TMTC1: variants seen among roughly 807,000 people sequenced by gnomAD.
TMTC1 encodes protein O-mannosyl-transferase TMTC1.
Under a neutral mutation model 104.8 loss-of-function variants are expected in TMTC1, and 73 were observed. The observed-to-expected ratio is 0.70, with a 90% CI of 0.58 to 0.85. TMTC1 has a LOEUF of 0.85. Among genes scored for constraint, TMTC1 ranks in the 40% least tolerant of loss-of-function variants. The probability of loss-of-function intolerance (pLI) is 0.00; values close to 1 mark genes in which losing one functional copy is unlikely to be tolerated. For synonymous variants in TMTC1, 434 were observed against 428.7 expected (o/e 1.01, Z -0.15); for missense variants, 1,035 against 1,096.1 (o/e 0.94, Z 0.79).
At chr12:29,512,021 TG>T (rs764210010) in intron 17 of TMTC1, 21 bp downstream of exon 17, 1 of 1,609,896 alleles carries the variant, frequency 6.2e-7, no homozygotes, top group Non-Finnish European at 8.5e-7. Context: ...CCGGTCCACA[TG>T]GGAGTGAATT....
intron 5 of TMTC1, among the ~76,000 whole-genome samples, chr12:29,733,126 T>C (rs1284453598): frequency 6.6e-6 from 1 of 152,182 alleles, no homozygotes; most frequent in African/African-American, 2.4e-5. Context: ...ATGCAAAATA[T>C]GGAACATGAG....
chr12:29,708,826 A>G (rs113197763), intron 5 of TMTC1, among the ~76,000 whole-genome samples: 35 of 152,362 alleles, frequency 2.3e-4, no homozygotes, highest in African/African-American at 8.2e-4. Flanking sequence ...AGAGATTCCC[A>G]AAGTTTGAAG....
intron 5 of TMTC1, among the ~76,000 whole-genome samples, chr12:29,652,157 C>T (rs1379554860): frequency 2.0e-5 from 3 of 152,100 alleles, no homozygotes; most frequent in Admixed American, 2.0e-4. Context: ...TGGCCATGGG[C>T]AGTGTAACAG....
At chr12:29,761,765 T>C (rs1352968560) in intron 2 of TMTC1, among the ~76,000 whole-genome samples, 1 of 152,074 alleles carries the variant, frequency 6.6e-6, no homozygotes, top group Non-Finnish European at 1.5e-5. Flanking sequence ...AGACCCGAGG[T>C]CTATGGTGTG....
At chr12:29,757,445 T>C (rs7977334) in intron 3 of TMTC1, among the ~76,000 whole-genome samples, 27,398 of 152,058 alleles carry the variant, frequency 0.18, 2,953 homozygotes, top group African/African-American at 0.31. Context: ...CTCCTGCAGG[T>C]AGAGGAGGTA....
intron 2 of TMTC1, among the ~76,000 whole-genome samples, chr12:29,764,029 G>A (rs1018560296): frequency 6.6e-6 from 1 of 152,164 alleles, no homozygotes; most frequent in African/African-American, 2.4e-5. Flanking sequence ...AAAGCAACTG[G>A]TCAGTTCATG....
chr12:29,749,906 A>G (rs79665160), intron 5 of TMTC1, among the ~76,000 whole-genome samples: 7,576 of 151,970 alleles, frequency 0.05, 260 homozygotes, highest in East Asian at 0.17. Flanking sequence ...TCTTCATTGC[A>G]GTTTCCATGA....
intron 5 of TMTC1, among the ~76,000 whole-genome samples, chr12:29,743,461 C>T (rs1233129167): frequency 6.6e-6 from 1 of 152,046 alleles, no homozygotes; most frequent in Non-Finnish European, 1.5e-5. Flanking sequence ...ATTTCCACTT[C>T]TAAAATTCTG....
chr12:29,572,218 C>T lies in TMTC1; in HGVS notation c.1419G>A (p.Arg473=), dbSNP rs1198325276. 14 of 1,606,140 alleles carry T rather than the reference C, an allele frequency of 8.7e-6. No individual in the cohort carries two copies. The highest frequency in any genetic ancestry group is 1.0e-5 in the Non-Finnish European group (12 of 1,173,270). The part of the protein sequence containing the change: ...EIWLSRESLF[R]SGVQTLPHNA... ...TGTGGGGCAGAGTTTGAACTCCAGA[C>T]CTAAAATGAATAAATTTTTAAAAAG... Residue 473 remains arginine, a splice_region_variant and synonymous_variant, in exon 9 of 18, where the codon AGG becomes AGA. Coordinates refer to ENST00000539277, the MANE Select transcript of TMTC1 (RefSeq NM_001193451.2).
At chr12:29,639,240 A>T (rs970956107) in intron 5 of TMTC1, among the ~76,000 whole-genome samples, 1 of 152,186 alleles carries the variant, frequency 6.6e-6, no homozygotes, top group African/African-American at 2.4e-5. Flanking sequence ...TCAAACTTCA[A>T]TGGAGTTCTA....
At chr12:29,682,937 T>C (rs537890732) in intron 5 of TMTC1, among the ~76,000 whole-genome samples, 13 of 152,336 alleles carry the variant, frequency 8.5e-5, no homozygotes, top group South Asian at 2.1e-4. Context: ...ACTATAGCTA[T>C]GTACAATGTA....
chr12:29,709,807 T>C (rs1275825208), intron 5 of TMTC1, among the ~76,000 whole-genome samples: 1 of 152,202 alleles, frequency 6.6e-6, no homozygotes, highest in Non-Finnish European at 1.5e-5. Context: ...AAAAGGCTTT[T>C]AATAATTCGT....
intron 10 of TMTC1, among the ~76,000 whole-genome samples, chr12:29,543,139 C>G (rs1444645294): frequency 6.6e-6 from 1 of 152,102 alleles, no homozygotes; most frequent in Non-Finnish European, 1.5e-5. Flanking sequence ...CGAATTTTGC[C>G]ATTAAACACT....
chr12:29,627,103 AAAAAAAT>A (rs890068741), intron 6 of TMTC1, among the ~76,000 whole-genome samples: 5 of 152,156 alleles, frequency 3.3e-5, no homozygotes, highest in African/African-American at 7.2e-5. Flanking sequence ...CTCCATCTCA[AAAAAAAT>A]AAAAAATAAA....
chr12:29,665,020 T>G (rs1337915414), intron 5 of TMTC1, among the ~76,000 whole-genome samples: 1 of 152,196 alleles, frequency 6.6e-6, no homozygotes, highest in Non-Finnish European at 1.5e-5. Flanking sequence ...ACTTCCTTCC[T>G]TTATTAATGA....
chr12:29,548,518 T>G (rs764614911), intron 10 of TMTC1, among the ~76,000 whole-genome samples: 7 of 152,098 alleles, frequency 4.6e-5, no homozygotes, highest in Non-Finnish European at 8.8e-5. Context: ...CATGGAGATC[T>G]GATGGTTTTA....
At chr12:29,619,424 G>T (rs755178728) in intron 6 of TMTC1, among the ~76,000 whole-genome samples, 7 of 152,190 alleles carry the variant, frequency 4.6e-5, no homozygotes, top group African/African-American at 1.4e-4. Flanking sequence ...AATTTTACAG[G>T]TGACATATTA....
At chr12:29,625,866 C>T (rs1311063342) in intron 6 of TMTC1, among the ~76,000 whole-genome samples, 1 of 152,218 alleles carries the variant, frequency 6.6e-6, no homozygotes, top group Non-Finnish European at 1.5e-5. Context: ...CCCATTCAGG[C>T]TCCACTATAT....
rs1331502664 is a variant in TMTC1 at position 29,695,183 on chromosome 12, T to C, written c.938+56483A>G. ...CTCTGTCTTGCTCTCCTCTGTCTCT[T>C]ATAACAACACTCTTGATTGGATTTG... On this transcript the variant is annotated intron_variant, in intron 5 of 17. Coordinates refer to ENST00000539277, the MANE Select transcript of TMTC1 (RefSeq NM_001193451.2). Among the ~76,000 whole-genome samples the C allele has an allele frequency of 2.6e-5, 4 of 152,136 alleles. No individual in the cohort carries two copies. In the South Asian group the frequency reaches 8.3e-4, roughly 31 times the overall value.
Sources: gnomAD v4.1 joint callset for allele counts (sites outside exome capture counted in the v4.1 genomes callset) on GRCh38, gnomAD v4.1.1 for gene constraint, MANE v1.5 for transcripts, NCBI Gene and HGNC (gene_info 2026-07-23, HGNC 2026-07-21) for gene names.